Variants in TNS1 observed in about 807,000 individuals in gnomAD.
TNS1 encodes tensin-1.
A neutral mutation model predicts 168.6 loss-of-function variants in TNS1; 62 were observed. The ratio of observed to expected loss-of-function variants is 0.37; its 90% CI spans 0.30 to 0.45. The LOEUF is 0.45. Among genes scored for constraint, TNS1 ranks in the 20% least tolerant of loss-of-function variants. The pLI, the probability that TNS1 is intolerant of heterozygous loss-of-function variation, is 1.00. For synonymous variants in TNS1, 934 were observed against 933.2 expected, an observed-to-expected ratio of 1.00 and a Z score of -0.02; for missense variants, 2,240 against 2,339.4, an observed-to-expected ratio of 0.96 and a Z score of 0.88.
chr2:217,895,107 G>A (rs761386314), intron 8 of TNS1, 51 bp from the exon 9 acceptor site: 65 of 1,546,696 alleles, frequency 4.2e-5, no homozygotes, highest in Admixed American at 9.3e-5. Context: ...TGAGGAGGGC[G>A]GCGAGGAGAG....
chr2:217,830,267 C>G lies in TNS1; in HGVS notation c.3373+1188G>C, dbSNP rs1944224845. 2.0e-6 allele frequency: 3 copies of G among 1,483,608 alleles called. No individual in the cohort carries two copies. The Admixed American group carries it at 5.5e-5, about 27-fold the overall frequency. The allele number at this position is 1,483,608 out of a possible 1,614,324, so 91.9% of individuals were successfully genotyped here. ...CCCCCAGCCCCCTTCTACTGATCCCCCGTGGCTCAGTGTCCCTGGCCATGC... is the reference window on the plus strand; with the variant it reads ...CCCCCAGCCCCCTTCTACTGATCCCGCGTGGCTCAGTGTCCCTGGCCATGC... On this transcript the variant is annotated intron_variant, in intron 22 of 32. Transcript: ENST00000682258.
chr2:217,833,387 C>T lies in TNS1; in HGVS notation c.3280+1704G>A, dbSNP rs115406333. Among the ~76,000 whole-genome samples the T allele has an allele frequency of 3.1e-3, 473 of 152,364 alleles. 3 individuals are homozygous for T. The highest frequency in any genetic ancestry group is 0.01 in the African/African-American group (434 of 41,578). ...TCTTTTGCTTCCTGAGAGAAAAATTCCACACGTTTCTCCACCTTCTGTCTT... is the reference window on the plus strand; with the variant it reads ...TCTTTTGCTTCCTGAGAGAAAAATTTCACACGTTTCTCCACCTTCTGTCTT... On this transcript the variant is annotated intron_variant, in intron 21 of 32. Coordinates refer to ENST00000682258, the MANE Select transcript of TNS1 (RefSeq NM_001387777.1).
At chr2:217,890,922 C>T in intron 12 of TNS1, 40 bp downstream of exon 12, 1 of 1,596,312 alleles carries the variant, frequency 6.3e-7, no homozygotes, top group Non-Finnish European at 8.6e-7. Context: ...AGAGTGAGTG[C>T]ACACATACAT....
chr2:217,933,047 A>G (rs1053897251), intron 3 of TNS1, among the ~76,000 whole-genome samples: 1 of 152,186 alleles, frequency 6.6e-6, no homozygotes, highest in African/African-American at 2.4e-5. Context: ...AGTGGCGGGA[A>G]GCCCCCTCTC....
intron 1 of TNS1, among the ~76,000 whole-genome samples, chr2:218,023,151 C>T (rs1197050010): frequency 6.6e-6 from 1 of 152,182 alleles, no homozygotes; most frequent in African/African-American, 2.4e-5. Context: ...CCATTGAGAA[C>T]AAGAGGAAGC....
At chr2:217,894,613 C>T (rs890122212) in intron 9 of TNS1, among the ~76,000 whole-genome samples, 4 of 152,034 alleles carry the variant, frequency 2.6e-5, no homozygotes, top group Admixed American at 1.3e-4. Flanking sequence ...GCTGAGATCA[C>T]GCCACTGCAC....
intron 3 of TNS1, among the ~76,000 whole-genome samples, chr2:217,975,782 T>C (rs1957879336): frequency 6.6e-6 from 1 of 152,104 alleles, no homozygotes; most frequent in African/African-American, 2.4e-5. Flanking sequence ...TCAGAAGGCA[T>C]CCCAGACCCA....
chr2:217,828,029 A>C (rs1483027645), intron 22 of TNS1, among the ~76,000 whole-genome samples: 1 of 152,252 alleles, frequency 6.6e-6, no homozygotes, highest in African/African-American at 2.4e-5. Context: ...GTGGTCCGGC[A>C]TCTGAAGCAC....
In TNS1 at chr2:217,992,154, A is replaced by G. The variant is rs201654251; in HGVS notation, c.34-1098T>C. The stretch of plus-strand genomic sequence containing the variant: ...GGGGGGCCTATTCAGAGGACTCCCC[A>G]CAGAAAGCATCCCCTGCCCCAGGCA... On this transcript the variant is annotated intron_variant, in intron 1 of 32. Transcript: ENST00000682258. 3.8e-4 allele frequency among the ~76,000 whole-genome samples: 57 copies of G among 151,398 alleles called. 2 individuals are homozygous for G. The East Asian group carries it at 0.01, about 27-fold the overall frequency.
intron 3 of TNS1, among the ~76,000 whole-genome samples, chr2:217,928,733 C>T (rs1956164385): frequency 6.6e-6 from 1 of 152,060 alleles, no homozygotes; most frequent in South Asian, 2.1e-4. Flanking sequence ...AAATCACTGG[C>T]CCCATCAACC....
chr2:217,822,594 C>T (rs1288235283), intron 22 of TNS1, among the ~76,000 whole-genome samples: 1 of 152,210 alleles, frequency 6.6e-6, no homozygotes, highest in Non-Finnish European at 1.5e-5. Flanking sequence ...AACATTCCAT[C>T]GCCCACCTCT....
chr2:218,009,980 C>G (rs1958691195), intron 1 of TNS1: 1 of 394,824 alleles, frequency 2.5e-6, no homozygotes, highest in African/African-American at 2.1e-5. Flanking sequence ...GACGGAGGGT[C>G]CCTGAGAGTG....
In TNS1 at chr2:217,804,343, T is replaced by A; in HGVS notation, c.*116A>T. The A allele has an allele frequency of 7.3e-7, 1 of 1,363,480 alleles. No individual in the cohort carries two copies. Among genetic ancestry groups the A allele is most frequent in the Non-Finnish European group, 1.0e-6 (1 of 989,952 alleles). 84.5% of individuals were successfully genotyped at this position (1,363,480 alleles called of 1,614,324 possible). ...CCTCTCCCCACGTTGCACTTTCTTCTCTCCTCCGAAATTGGCCCAAAGTCC... is the reference window on the plus strand; with the variant it reads ...CCTCTCCCCACGTTGCACTTTCTTCACTCCTCCGAAATTGGCCCAAAGTCC... On this transcript the variant is annotated 3_prime_UTR_variant, in exon 33 of 33. Coordinates refer to ENST00000682258, the MANE Select transcript of TNS1 (RefSeq NM_001387777.1).
chr2:217,840,050 G>T (rs991024938), intron 19 of TNS1, among the ~76,000 whole-genome samples: 2 of 152,264 alleles, frequency 1.3e-5, no homozygotes, highest in African/African-American at 4.8e-5. Context: ...AAGAAGAAAG[G>T]AGGGAGGGGC....
chr2:217,894,685 C>A (rs4334476), intron 9 of TNS1, among the ~76,000 whole-genome samples: 1 of 151,802 alleles, frequency 6.6e-6, no homozygotes, highest in Non-Finnish European at 1.5e-5. Flanking sequence ...ACAAAAAAAC[C>A]GGCAGCTGGA....
intron 3 of TNS1, among the ~76,000 whole-genome samples, chr2:217,964,891 C>A (rs1957585925): frequency 6.6e-6 from 1 of 152,226 alleles, no homozygotes; most frequent in African/African-American, 2.4e-5. Context: ...CCTAACGGCC[C>A]CCCGCTAACA....
chr2:217,893,573 G>A lies in TNS1; in HGVS notation c.595-12C>T, dbSNP rs1265449333. On this transcript the variant is annotated splice_polypyrimidine_tract_variant and intron_variant, in intron 9 of 32. Coordinates refer to ENST00000682258, the MANE Select transcript of TNS1 (RefSeq NM_001387777.1). Reference sequence around the variant, plus strand: ...CCAAATTCCAGTACCTGTGGCCCAAGCCATGAGTGAGAAGAGGGCAGAAGC... The same window carrying A: ...CCAAATTCCAGTACCTGTGGCCCAAACCATGAGTGAGAAGAGGGCAGAAGC... The A allele has an allele frequency of 1.2e-6, 2 of 1,603,246 alleles. No homozygotes were observed. Among genetic ancestry groups the A allele is most frequent in the Non-Finnish European group, 1.7e-6 (2 of 1,175,256 alleles).
intron 3 of TNS1, among the ~76,000 whole-genome samples, chr2:217,939,953 T>C (rs3791905): frequency 0.33 from 50,183 of 152,166 alleles, 11,885 homozygotes; most frequent in African/African-American, 0.67. Flanking sequence ...AGCAACCTCC[T>C]GGACGGGAAA....
chr2:217,946,937 GCTCTCTCTCTCT>G (rs150249191), intron 3 of TNS1, among the ~76,000 whole-genome samples: 10 of 130,868 alleles, frequency 7.6e-5, no homozygotes, highest in Non-Finnish European at 7.9e-5. Context: ...TTCCACCATC[GCTCTCTCTCTCT>G]CTCTCTCTCT....
Sources: gnomAD v4.1 joint callset for allele counts (sites outside exome capture counted in the v4.1 genomes callset) on GRCh38, gnomAD v4.1.1 for gene constraint, MANE v1.5 for transcripts, NCBI Gene and HGNC (gene_info 2026-07-23, HGNC 2026-07-21) for gene names.